Variants in FREM1 observed in about 807,000 individuals in gnomAD.
FREM1 encodes the protein FRAS1-related extracellular matrix protein 1.
FREM1 carries 220 observed loss-of-function variants against 210.1 expected under a neutral mutation model. The observed-to-expected ratio is 1.05, with a 90% CI of 0.94 to 1.17. FREM1 has a LOEUF of 1.17. Among genes scored for constraint, FREM1 ranks in the 50% most tolerant of loss-of-function variants. The pLI, the probability that FREM1 is intolerant of heterozygous loss-of-function variation, is 0.00. For synonymous variants in FREM1, 1,189 were observed against 980.2 expected (o/e 1.21, Z -3.98); for missense variants, 3,454 against 2,675.5 (o/e 1.29, Z -6.42).
At chr9:14,873,204 C>T (rs1833033741) in intron 1 of FREM1, among the ~76,000 whole-genome samples, 1 of 152,000 alleles carries the variant, frequency 6.6e-6, no homozygotes, top group South Asian at 2.1e-4. Flanking sequence ...AGGGAGGATT[C>T]CCTCTTTTTC....
intron 1 of FREM1, among the ~76,000 whole-genome samples, chr9:14,876,254 T>C (rs1444421393): frequency 6.6e-6 from 1 of 152,202 alleles, no homozygotes; most frequent in Non-Finnish European, 1.5e-5. Flanking sequence ...TGCTGTCTTT[T>C]TGTTTTTCTG....
chr9:14,836,229 A>G lies in FREM1; in HGVS notation c.1881+5218T>C, dbSNP rs1170704372. Among the ~76,000 whole-genome samples the G allele has an allele frequency of 6.6e-6, 1 of 152,264 alleles. No individual in the cohort carries two copies. Among genetic ancestry groups the G allele is most frequent in the Non-Finnish European group, 1.5e-5 (1 of 68,048 alleles). ...TGCTGTCCTCACTCTACTATTTGCAATAGGGTTATACACGGTAGCACCTTC... is the reference window on the plus strand; with the variant it reads ...TGCTGTCCTCACTCTACTATTTGCAGTAGGGTTATACACGGTAGCACCTTC... On this transcript the variant is annotated intron_variant, in intron 10 of 36. Transcript: ENST00000380880. This position sits in a 1 kb window ranked among gnomAD's most constrained non-coding sequence, Gnocchi z 4.9.
rs780243679 is a variant in FREM1, at chr9:14,868,926, G to A, written c.52C>T (p.Leu18=). 1.9e-6 allele frequency: 3 copies of A among 1,603,212 alleles called. No homozygotes were observed. The Admixed American group carries it at 5.1e-5, about 27-fold the overall frequency. ...ATGAAGGTGGGGCTGGCCCAGGCCAGGAGGAGCAGCAGCAGCACGGCATTC... is the reference window on the plus strand; with the variant it reads ...ATGAAGGTGGGGCTGGCCCAGGCCAAGAGGAGCAGCAGCAGCACGGCATTC... The part of the protein sequence containing the change: ...AANAVLLLLL[L]AWASPTFISI... The change falls in exon 2 of 37, where the codon CTG becomes TTG. Residue 18 remains leucine (L), a synonymous_variant. Transcript: ENST00000380880.
intron 19 of FREM1, among the ~76,000 whole-genome samples, chr9:14,803,329 C>CCTCCCCTCCG (rs1253650145): frequency 2.2e-4 from 32 of 142,974 alleles, no homozygotes; most frequent in Non-Finnish European, 2.8e-4. Context: ...CCTCCCCTCC[C>CCTCCCCTCCG]CTACCCTCCT....
intron 13 of FREM1, among the ~76,000 whole-genome samples, chr9:14,820,869 G>A (rs1435498416): frequency 2.0e-5 from 3 of 152,110 alleles, no homozygotes; most frequent in East Asian, 1.9e-4. Flanking sequence ...TGTTGTCTTC[G>A]AACAAAGGTC....
intron 14 of FREM1, among the ~76,000 whole-genome samples, chr9:14,818,218 C>T (rs1262088260): frequency 6.6e-6 from 1 of 152,224 alleles, no homozygotes; most frequent in Admixed American, 6.5e-5. Context: ...GTTTATCCAT[C>T]ATTCACTCCG....
chr9:14,811,638 G>A, intron 16 of FREM1, among the ~76,000 whole-genome samples: 1 of 152,166 alleles, frequency 6.6e-6, no homozygotes, highest in African/African-American at 2.4e-5. Context: ...GATGTCTGGT[G>A]AAGTGATTAA....
At chr9:14,794,738 G>A (rs1161750731) in intron 21 of FREM1, among the ~76,000 whole-genome samples, 1 of 152,162 alleles carries the variant, frequency 6.6e-6, no homozygotes, top group Non-Finnish European at 1.5e-5. Context: ...AGTGCCTCAT[G>A]CCTGTAATCC....
At chr9:14,807,884 C>T in intron 17 of FREM1, 56 bp downstream of exon 17, 3 of 1,192,586 alleles carry the variant, frequency 2.5e-6, no homozygotes, top group Non-Finnish European at 3.6e-6. Context: ...TTCACTGAAC[C>T]ACAGGTATGA....
intron 3 of FREM1, among the ~76,000 whole-genome samples, chr9:14,861,046 CATAT>C (rs1302584681): frequency 1.3e-5 from 1 of 75,146 alleles, no homozygotes; most frequent in Non-Finnish European, 2.2e-5. Flanking sequence ...TACATATATA[CATAT>C]ATACATATAT....
At chr9:14,850,108 C>T (rs944181178) in intron 6 of FREM1, among the ~76,000 whole-genome samples, 3 of 152,144 alleles carry the variant, frequency 2.0e-5, no homozygotes, top group South Asian at 4.1e-4. Context: ...TCAGTCTGCT[C>T]GTTTACAATT....
chr9:14,761,899 C>A (rs1423446469), intron 27 of FREM1, among the ~76,000 whole-genome samples: 1 of 152,206 alleles, frequency 6.6e-6, no homozygotes, highest in Non-Finnish European at 1.5e-5. Context: ...GTGATGCTGG[C>A]ATCCCATGAT....
chr9:14,802,917 G>C (rs1338434552), intron 19 of FREM1, among the ~76,000 whole-genome samples: 1 of 152,150 alleles, frequency 6.6e-6, no homozygotes. Flanking sequence ...TTTCATGACT[G>C]AGAAGGCAAT....
chr9:14,817,091 T>C (rs2130647086), intron 14 of FREM1, among the ~76,000 whole-genome samples: 1 of 152,342 alleles, frequency 6.6e-6, no homozygotes, highest in Admixed American at 6.5e-5. Flanking sequence ...AAATGTGTTA[T>C]ATGCATTTCT....
chr9:14,883,895 G>A (rs572257947), intron 1 of FREM1, among the ~76,000 whole-genome samples: 1 of 152,168 alleles, frequency 6.6e-6, no homozygotes, highest in Non-Finnish European at 1.5e-5. Context: ...AAGTAGAAAG[G>A]GCACCTGGCC....
intron 15 of FREM1, among the ~76,000 whole-genome samples, chr9:14,813,270 C>T (rs982610921): frequency 7.9e-5 from 12 of 152,098 alleles, no homozygotes; most frequent in Admixed American, 5.9e-4. Flanking sequence ...ATGTGACAGA[C>T]ATTTTAGGTA....
chr9:14,750,356 T>A, intron 29 of FREM1, 80 bp from the exon 30 acceptor site: 1 of 1,130,520 alleles, frequency 8.8e-7, no homozygotes, highest in East Asian at 2.5e-5. Flanking sequence ...TTAATTAACA[T>A]GTCTACAGCT....
chr9:14,885,496 T>C (rs1005541689), intron 1 of FREM1, among the ~76,000 whole-genome samples: 1 of 152,218 alleles, frequency 6.6e-6, no homozygotes, highest in South Asian at 2.1e-4. Flanking sequence ...GATAGCTGAC[T>C]GCAGCCTCCA....
intron 1 of FREM1, among the ~76,000 whole-genome samples, chr9:14,881,726 A>G (rs999665868): frequency 2.0e-5 from 3 of 152,224 alleles, no homozygotes; most frequent in African/African-American, 7.2e-5. Context: ...AAAAATTTTA[A>G]CTAGGTATAT....
Sources: gnomAD v4.1 joint callset for allele counts (sites outside exome capture counted in the v4.1 genomes callset) on GRCh38, gnomAD v4.1.1 for gene constraint, Gnocchi (gnomAD v3.1) non-coding constraint, MANE v1.5 for transcripts, NCBI Gene and HGNC (gene_info 2026-07-23, HGNC 2026-07-21) for gene names.